Variants in SASH1 observed in about 807,000 individuals in gnomAD.
SASH1 encodes SAM and SH3 domain containing 1.
A neutral mutation model predicts 125.2 loss-of-function variants in SASH1; 44 were observed. That is an observed-to-expected ratio of 0.35 (90% CI 0.28 to 0.45). SASH1 has a LOEUF of 0.45. Among genes scored for constraint, SASH1 ranks in the 20% least tolerant of loss-of-function variants. The pLI is 1.00. For missense variants in SASH1, 1,426 were observed against 1,614.5 expected, an observed-to-expected ratio of 0.88 and a Z score of 2.00; for synonymous variants, 639 against 649.1, an observed-to-expected ratio of 0.98 and a Z score of 0.24.
intron 1 of SASH1, among the ~76,000 whole-genome samples, chr6:148,351,290 G>A (rs1781721809): frequency 6.8e-6 from 1 of 147,130 alleles, no homozygotes; most frequent in South Asian, 2.2e-4. Flanking sequence ...TGTTTTTCAA[G>A]ATGATTGGTG....
At chr6:148,534,326 G>A (rs759106) in intron 15 of SASH1, among the ~76,000 whole-genome samples, 141,450 of 152,216 alleles carry the variant, frequency 0.93, 65,913 homozygotes, top group African/African-American at 0.98. Context: ...CATCACTCCA[G>A]GCATCTACTA....
intron 4 of SASH1, among the ~76,000 whole-genome samples, chr6:148,467,097 T>TG: frequency 8.7e-6 from 1 of 114,620 alleles, no homozygotes; most frequent in South Asian, 2.6e-4. Context: ...CCTTTTTTTT[T>TG]TTTTTTTTTT....
At chr6:148,507,142 A>T (rs1779843493) in intron 8 of SASH1, among the ~76,000 whole-genome samples, 1 of 151,896 alleles carries the variant, frequency 6.6e-6, no homozygotes, top group South Asian at 2.1e-4. Context: ...GAAATTCAAT[A>T]AAGGTTGGGA....
Position 148,381,617 on chromosome 6 carries a change from C to CTTTTTTTTTTTTTTTTTT in SASH1, c.157-8508_157-8491dup, listed in dbSNP as rs201145545. Among the ~76,000 whole-genome samples the CTTTTTTTTTTTTTTTTTT allele has an allele frequency of 2.1e-4, 16 of 77,894 alleles. 2 individuals are homozygous for CTTTTTTTTTTTTTTTTTT. The highest frequency in any genetic ancestry group is 2.6e-4 in the African/African-American group (5 of 19,086). The allele number at this position is 77,894 out of a possible 152,430, so 51.1% of individuals were successfully genotyped here. ...ACTCCATCAGTGCCTTTCTTGCTTT[C>CTTTTTTTTTTTTTTTTTT]TTTTTTTTTTTTTTTTTTTTTTTTT... is the stretch of plus-strand genomic sequence containing the variant. On this transcript the variant is annotated intron_variant, in intron 1 of 19. Coordinates refer to ENST00000367467, the MANE Select transcript of SASH1 (RefSeq NM_015278.5).
intron 2 of SASH1, among the ~76,000 whole-genome samples, chr6:148,408,912 A>G (rs180962150): frequency 5.9e-4 from 90 of 152,250 alleles, no homozygotes; most frequent in African/African-American, 2.0e-3. Flanking sequence ...AATTGAAGTG[A>G]TTTGCTTTGG....
At chr6:148,320,868 G>T (rs1403338952) in intron 1 of SASH1, among the ~76,000 whole-genome samples, 6 of 152,164 alleles carry the variant, frequency 3.9e-5, no homozygotes, top group Non-Finnish European at 8.8e-5. Context: ...TGCTCCCATT[G>T]TTCTCATAGT....
intron 1 of SASH1, among the ~76,000 whole-genome samples, chr6:148,301,230 G>A (rs189662699): frequency 6.7e-6 from 1 of 149,640 alleles, no homozygotes; most frequent in East Asian, 2.0e-4. Context: ...GGAGGCTGAT[G>A]CAGGAGAATC....
the SASH1 span, among the ~76,000 whole-genome samples, chr6:148,230,597 C>G: frequency 6.6e-6 from 1 of 152,184 alleles, no homozygotes; most frequent in African/African-American, 2.4e-5. Flanking sequence ...AAAGTGCACC[C>G]TTGCGGCACC....
chr6:148,300,763 G>A (rs966001720), intron 1 of SASH1, among the ~76,000 whole-genome samples: 7 of 152,078 alleles, frequency 4.6e-5, no homozygotes, highest in Admixed American at 3.9e-4. Flanking sequence ...AATTACAAAT[G>A]TAAGCCACTG....
chr6:148,509,007 C>A, intron 8 of SASH1: 1 of 499,916 alleles, frequency 2.0e-6, no homozygotes, highest in South Asian at 1.6e-5. Context: ...ATTTGTCCTT[C>A]TTCGCCTGTT....
intron 9 of SASH1, among the ~76,000 whole-genome samples, chr6:148,518,782 G>A (rs562830765): frequency 3.9e-5 from 6 of 152,250 alleles, no homozygotes; most frequent in East Asian, 1.9e-4. Flanking sequence ...CCTTTCCACC[G>A]GGCTCTGGAG....
At chr6:148,472,298 G>A (rs1467021399) in intron 6 of SASH1, among the ~76,000 whole-genome samples, 1 of 152,190 alleles carries the variant, frequency 6.6e-6, no homozygotes, top group East Asian at 1.9e-4. Flanking sequence ...GAGAAAAACG[G>A]ATGTGAACAG....
chr6:148,540,335 C>T (rs1384374498), intron 16 of SASH1, 108 bp from the exon 17 acceptor site: 13 of 772,172 alleles, frequency 1.7e-5, no homozygotes, highest in Non-Finnish European at 2.6e-5. Flanking sequence ...AAATTGTTCT[C>T]TTCCAAAAGC....
chr6:148,362,121 G>A (rs764606419), intron 1 of SASH1, among the ~76,000 whole-genome samples: 1 of 151,438 alleles, frequency 6.6e-6, no homozygotes, highest in African/African-American at 2.4e-5. Flanking sequence ...TAGAGACGGG[G>A]TTTCTCCGTG....
intron 2 of SASH1, among the ~76,000 whole-genome samples, chr6:148,434,470 G>GT (rs947030242): frequency 1.3e-5 from 2 of 151,912 alleles, no homozygotes; most frequent in African/African-American, 2.4e-5. Flanking sequence ...TACTCTCAGC[G>GT]TTTTTTTTCC....
intron 1 of SASH1, among the ~76,000 whole-genome samples, chr6:148,337,460 G>A (rs1426483484): frequency 1.3e-5 from 2 of 152,008 alleles, no homozygotes; most frequent in Non-Finnish European, 2.9e-5. Flanking sequence ...TCCTGACCTC[G>A]TGATCCGCCC....
chr6:148,311,212 T>C (rs1316693600), intron 1 of SASH1, among the ~76,000 whole-genome samples: 1 of 152,002 alleles, frequency 6.6e-6, no homozygotes, highest in African/African-American at 2.4e-5. Context: ...GTTCAAGCGA[T>C]TCTGCTGCCT....
At chr6:148,349,665 A>G (rs1020776564) in intron 1 of SASH1, among the ~76,000 whole-genome samples, 7 of 151,972 alleles carry the variant, frequency 4.6e-5, no homozygotes, top group Non-Finnish European at 8.8e-5. Flanking sequence ...CCCCAACCAG[A>G]TGTTTCTGTG....
At chr6:148,266,888 A>G in the SASH1 span, among the ~76,000 whole-genome samples, 1 of 152,084 alleles carries the variant, frequency 6.6e-6, no homozygotes, top group Non-Finnish European at 1.5e-5. Context: ...TAGGATTACA[A>G]GTGTAAGCCA....
Sources: allele counts gnomAD v4.1 joint callset (sites outside exome capture counted in the v4.1 genomes callset), GRCh38; gene constraint gnomAD v4.1.1; transcripts MANE v1.5; gene names NCBI Gene and HGNC (gene_info 2026-07-23, HGNC 2026-07-21).